UNC79: variants seen among roughly 807,000 people sequenced by gnomAD.
The protein encoded by UNC79 is unc-79 subunit of NALCN channel complex.
UNC79 carries 37 observed loss-of-function variants against 283.1 expected under a neutral mutation model. The observed-to-expected ratio is 0.13, with a 90% CI of 0.10 to 0.17. UNC79 has a LOEUF of 0.17. Among genes scored for constraint, UNC79 ranks in the 10% least tolerant of loss-of-function variants. UNC79 has a pLI of 1.00. For synonymous variants in UNC79, 1,107 were observed against 1,200.2 expected, an observed-to-expected ratio of 0.92 and a Z score of 1.61; for missense variants, 2,272 against 3,211.1, an observed-to-expected ratio of 0.71 and a Z score of 7.07.
chr14:93,696,094 G>A (rs967704663), intron 47 of UNC79, among the ~76,000 whole-genome samples: 2 of 151,952 alleles, frequency 1.3e-5, no homozygotes, highest in Non-Finnish European at 2.9e-5. Flanking sequence ...TCTTTCACTT[G>A]TAATAATTAT....
intron 10 of UNC79, among the ~76,000 whole-genome samples, chr14:93,530,324 A>G (rs2141046470): frequency 6.6e-6 from 1 of 152,340 alleles, no homozygotes; most frequent in African/African-American, 2.4e-5. Flanking sequence ...TAATTCCAGT[A>G]CTTTGGGAAG....
chr14:93,501,704 T>C (rs781126242), intron 7 of UNC79, among the ~76,000 whole-genome samples: 17 of 151,768 alleles, frequency 1.1e-4, no homozygotes, highest in Non-Finnish European at 1.9e-4. Flanking sequence ...AAAAGAAAAA[T>C]TATAGCAATA....
intron 47 of UNC79, among the ~76,000 whole-genome samples, chr14:93,697,065 A>T (rs2141004086): frequency 6.6e-6 from 1 of 152,280 alleles, no homozygotes; most frequent in Non-Finnish European, 1.5e-5. Context: ...TTTTGTCAAA[A>T]ATCAAATAAC....
intron 14 of UNC79, among the ~76,000 whole-genome samples, chr14:93,544,574 G>A (rs894738255): frequency 1.3e-5 from 2 of 152,172 alleles, no homozygotes; most frequent in Non-Finnish European, 2.9e-5. Context: ...TAGGGTTTTG[G>A]TGGATAACAT....
chr14:93,443,948 T>C (rs1015357965), intron 1 of UNC79, among the ~76,000 whole-genome samples: 4 of 152,248 alleles, frequency 2.6e-5, no homozygotes, highest in African/African-American at 9.6e-5. Context: ...TTTATTTCTC[T>C]AGGTTGAATA....
chr14:93,365,211 C>T (rs2054303963), intron 1 of UNC79, among the ~76,000 whole-genome samples: 1 of 151,976 alleles, frequency 6.6e-6, no homozygotes, highest in African/African-American at 2.4e-5. Flanking sequence ...CATGGTGAAA[C>T]CCTGTCTATA....
chr14:93,680,143 G>C (rs2073724155), intron 41 of UNC79, among the ~76,000 whole-genome samples: 1 of 152,158 alleles, frequency 6.6e-6, no homozygotes, highest in Non-Finnish European at 1.5e-5. Flanking sequence ...TGACTAGTAA[G>C]AGTTCTCATA....
chr14:93,618,459 T>TAA (rs950363228), intron 29 of UNC79, 105 bp downstream of exon 30: 13 of 1,048,442 alleles, frequency 1.2e-5, no homozygotes, highest in East Asian at 3.7e-5. Context: ...CATTCTGGAG[T>TAA]AAAAAAAAAA....
intron 14 of UNC79, among the ~76,000 whole-genome samples, chr14:93,552,534 A>G (rs1186474973): frequency 6.6e-6 from 1 of 152,220 alleles, no homozygotes; most frequent in African/African-American, 2.4e-5. Flanking sequence ...AGATAAGACT[A>G]GAACCTACAA....
intron 25 of UNC79, 114 bp from the exon 26 acceptor site, chr14:93,603,125 A>G (rs138868523): frequency 6.4e-5 from 80 of 1,249,664 alleles, no homozygotes; most frequent in Middle Eastern, 3.9e-4. Flanking sequence ...ATGTATATCC[A>G]TGAAAAATGT....
chr14:93,697,265 A>G (rs2075204352), intron 47 of UNC79, among the ~76,000 whole-genome samples: 1 of 152,058 alleles, frequency 6.6e-6, no homozygotes, highest in East Asian at 1.9e-4. Flanking sequence ...CCTCCTGAAT[A>G]GCTGGGATTA....
chr14:93,397,658 G>A (rs945958944), intron 1 of UNC79, among the ~76,000 whole-genome samples: 6 of 151,996 alleles, frequency 3.9e-5, no homozygotes, highest in African/African-American at 1.4e-4. Context: ...ATGAGCCTGG[G>A]CAACATAGTG....
chr14:93,624,020 C>T (rs765996498), intron 30 of UNC79, among the ~76,000 whole-genome samples: 7 of 152,176 alleles, frequency 4.6e-5, no homozygotes, highest in Non-Finnish European at 8.8e-5. Flanking sequence ...AGACCTCTAG[C>T]CTAGCCCCTC....
At chr14:93,670,950 T>A (rs1289862033) in intron 40 of UNC79, among the ~76,000 whole-genome samples, 1 of 152,232 alleles carries the variant, frequency 6.6e-6, no homozygotes, top group Non-Finnish European at 1.5e-5. Flanking sequence ...ATGAATCCAT[T>A]TAACTGTATG....
chr14:93,527,606 G>A (rs1056696498), intron 8 of UNC79, among the ~76,000 whole-genome samples: 5 of 152,098 alleles, frequency 3.3e-5, no homozygotes, highest in Non-Finnish European at 7.4e-5. Flanking sequence ...GGCTGTTTGG[G>A]TTATAAGTTT....
intron 1 of UNC79, among the ~76,000 whole-genome samples, chr14:93,410,900 G>A (rs1015304807): frequency 6.6e-6 from 1 of 151,970 alleles, no homozygotes; most frequent in Admixed American, 6.6e-5. Context: ...GCTATGGGGA[G>A]AGACTCCTTC....
intron 7 of UNC79, among the ~76,000 whole-genome samples, chr14:93,519,730 T>C (rs961019736): frequency 2.0e-5 from 3 of 151,810 alleles, no homozygotes; most frequent in Non-Finnish European, 3.0e-5. Context: ...AAAAAATTGC[T>C]CTTGGGTTTA....
chr14:93,371,258 G>A lies in UNC79; in HGVS notation c.-351+37735G>A, dbSNP rs1427320028. 2.0e-5 allele frequency among the ~76,000 whole-genome samples: 3 copies of A among 151,708 alleles called. No individual in the cohort carries two copies. In the East Asian group the frequency reaches 5.9e-4, roughly 30 times the overall value. ...CCAAAATTAGCTGGCATGGTGGCAC[G>A]TTCCTGAAGTCCCAGCTACTCGGGA... On this transcript the variant is annotated intron_variant, in intron 1 of 49. Coordinates refer to the UNC79 transcript ENST00000256339.
At chr14:93,517,359 C>T (rs1261109140) in intron 7 of UNC79, among the ~76,000 whole-genome samples, 1 of 139,840 alleles carries the variant, frequency 7.2e-6, no homozygotes, top group Non-Finnish European at 1.5e-5. Flanking sequence ...CTTAATATCT[C>T]CACTTGAATA....
Sources: gnomAD v4.1 joint callset for allele counts (sites outside exome capture counted in the v4.1 genomes callset) on GRCh38, gnomAD v4.1.1 for gene constraint, MANE v1.5 for transcripts, NCBI Gene and HGNC (gene_info 2026-07-23, HGNC 2026-07-21) for gene names.